Variants in PLA2G10 observed in about 807,000 individuals in gnomAD.
PLA2G10 encodes the protein group 10 secretory phospholipase A2.
Under a neutral mutation model 7.9 loss-of-function variants are expected in PLA2G10, and 9 were observed. The ratio of observed to expected loss-of-function variants is 1.14; its 90% CI spans 0.68 to 1.98. The LOEUF is 1.98. Among genes scored for constraint, PLA2G10 ranks in the 30% most tolerant of loss-of-function variants. The pLI is 0.00. For synonymous variants in PLA2G10, 19 were observed against 27.5 expected, an observed-to-expected ratio of 0.69 and a Z score of 0.97; for missense variants, 53 against 65.4, an observed-to-expected ratio of 0.81 and a Z score of 0.66.
intron 3 of PLA2G10, among the ~76,000 whole-genome samples, chr16:14,678,217 G>A (rs1960780157): frequency 6.6e-6 from 1 of 152,070 alleles, no homozygotes; most frequent in South Asian, 2.1e-4. Flanking sequence ...CAGAAGAGTG[G>A]TCAGCTACAG....
chr16:14,683,149 G>A (rs62037490), intron 3 of PLA2G10, among the ~76,000 whole-genome samples: 46,106 of 152,002 alleles, frequency 0.3, 7,786 homozygotes, highest in Admixed American at 0.36. Flanking sequence ...AAGGAAGCTG[G>A]GGTTAAGAGA....
chr16:14,684,497 C>A (rs1255276571), intron 3 of PLA2G10, among the ~76,000 whole-genome samples: 1 of 151,760 alleles, frequency 6.6e-6, no homozygotes, highest in Non-Finnish European at 1.5e-5. Flanking sequence ...GAAACCCAGT[C>A]TCTACTAAAA....
chr16:14,674,649 T>C (rs1018936429), intron 3 of PLA2G10, among the ~76,000 whole-genome samples: 1 of 151,570 alleles, frequency 6.6e-6, no homozygotes, highest in Non-Finnish European at 1.5e-5. Flanking sequence ...TGCAGTGAGC[T>C]GAGATCATGC....
chr16:14,687,329 T>TG (rs1961112023), intron 3 of PLA2G10, among the ~76,000 whole-genome samples: 1 of 122,478 alleles, frequency 8.2e-6, no homozygotes, highest in Admixed American at 8.3e-5. Context: ...TTAGGTAAAA[T>TG]TTTTTTTTTT....
chr16:14,672,823 C>G, intron 3 of PLA2G10, 74 bp from the exon 4 acceptor site: 1 of 1,391,276 alleles, frequency 7.2e-7, no homozygotes, highest in Non-Finnish European at 1.0e-6. Context: ...AAGCAAGAGG[C>G]AGGACGGGTC....
In PLA2G10 at chr16:14,672,636, A is replaced by T. The variant is rs753468912; in HGVS notation, c.469T>A (p.Cys157Ser). The change falls in exon 4 of 4, where the codon TGT becomes AGT. Residue 157 changes from cysteine (C) to serine (S), a missense_variant. Physicochemically the swap from Cys to Ser is moderately radical, Grantham distance 112. Transcript: ENST00000438167. ...TCACACTTGGGCGAGTCCGGCTCACATAGGAACTGGGGGTAGAAGAGGTAC... is the reference window on the plus strand; with the variant it reads ...TCACACTTGGGCGAGTCCGGCTCACTTAGGAACTGGGGGTAGAAGAGGTAC... ...LKYLFYPQFLCEPDSPKCD is the reference protein window; with the variant it reads ...LKYLFYPQFLSEPDSPKCD 3 of 1,614,016 alleles carry T rather than the reference A, an allele frequency of 1.9e-6. No individual in the cohort carries two copies. Among genetic ancestry groups the T allele is most frequent in the African/African-American group, 2.7e-5 (2 of 74,920 alleles).
Position 14,684,924 on chromosome 16 carries a change from T to C in PLA2G10, c.355+3241A>G, listed in dbSNP as rs1597015470. Reference sequence around the variant, plus strand: ...AGGTACTCAAATAAGTATTTGTTCATGAATGTTCATAGCAGCACTATTCAC... The same window carrying C: ...AGGTACTCAAATAAGTATTTGTTCACGAATGTTCATAGCAGCACTATTCAC... On this transcript the variant is annotated intron_variant, in intron 3 of 3. Coordinates refer to ENST00000438167, the MANE Select transcript of PLA2G10 (RefSeq NM_003561.3). Among the ~76,000 whole-genome samples, 5 of 152,192 alleles carry C rather than the reference T, an allele frequency of 3.3e-5. No homozygotes were observed. In the South Asian group the frequency reaches 1.0e-3, roughly 31 times the overall value.
chr16:14,672,888 G>T, intron 3 of PLA2G10, 139 bp from the exon 4 acceptor site: 1 of 735,810 alleles, frequency 1.4e-6, no homozygotes, highest in Non-Finnish European at 2.3e-6. Context: ...CCATCTGCAG[G>T]GCTCCCCAGG....
chr16:14,682,708 G>A lies in PLA2G10; in HGVS notation c.355+5457C>T, dbSNP rs142539732. Among the ~76,000 whole-genome samples the A allele has an allele frequency of 1.0e-3, 156 of 152,320 alleles. 1 individual carries two copies. The highest frequency in any genetic ancestry group is 3.4e-3 in the African/African-American group (142 of 41,572). ...AACAGATCTTTGATTCTCTCCAGGAGTTAGCAGGGGTCAGAGAGAAGTTCA... is the reference window on the plus strand; with the variant it reads ...AACAGATCTTTGATTCTCTCCAGGAATTAGCAGGGGTCAGAGAGAAGTTCA... On this transcript the variant is annotated intron_variant, in intron 3 of 3. Transcript: ENST00000438167.
intron 1 of PLA2G10, among the ~76,000 whole-genome samples, chr16:14,693,306 GCT>G (rs1236733181): frequency 8.9e-5 from 2 of 22,402 alleles, no homozygotes; most frequent in South Asian, 1.6e-3. Context: ...TGTCTGTGCT[GCT>G]CTGTGTGTGT....
In PLA2G10 at chr16:14,672,765, A is replaced by T; in HGVS notation, c.356-16T>A. On this transcript the variant is annotated splice_polypyrimidine_tract_variant and intron_variant, in intron 3 of 3. Coordinates refer to ENST00000438167, the MANE Select transcript of PLA2G10 (RefSeq NM_003561.3). ...TCTGCCGGTCCTGGAAGAAGTGGGG[A>T]AACTGAGATTAGAGCAGGGACCTGG... The T allele has an allele frequency of 1.2e-6, 2 of 1,613,516 alleles. No homozygotes were observed. The highest frequency in any genetic ancestry group is 1.7e-6 in the Non-Finnish European group (2 of 1,179,702).
At chr16:14,673,016 CTT>C (rs1293093227) in intron 3 of PLA2G10, among the ~76,000 whole-genome samples, 5 of 128,570 alleles carry the variant, frequency 3.9e-5, no homozygotes, top group Admixed American at 1.6e-4. Context: ...TTTTTCTTTT[CTT>C]TTTTTTTTTT....
rs1443577460 is a variant in PLA2G10, at chr16:14,693,307, CTCTGTGTG to C, written c.97+818_97+825del. On this transcript the variant is annotated intron_variant, in intron 1 of 3. Transcript: ENST00000438167. ...TGCGCACATATGTGTGTCTGTGCTG[CTCTGTGTG>C]TGTGTGTGTGTGTGTGTGTGTGTGT... 1.1e-3 allele frequency among the ~76,000 whole-genome samples: 27 copies of C among 24,768 alleles called. 5 individuals carry two copies. Among genetic ancestry groups the C allele is most frequent in the Non-Finnish European group, 2.1e-3 (24 of 11,590 alleles). The allele number at this position is 24,768 out of a possible 152,430, so 16.2% of individuals were successfully genotyped here.
intron 3 of PLA2G10, among the ~76,000 whole-genome samples, chr16:14,681,922 C>T (rs548509398): frequency 6.6e-6 from 1 of 151,928 alleles, no homozygotes; most frequent in East Asian, 2.0e-4. Flanking sequence ...AGCCTCATTT[C>T]ACCTCCTCAT....
chr16:14,684,831 A>G (rs929743526), intron 3 of PLA2G10, among the ~76,000 whole-genome samples: 8 of 152,276 alleles, frequency 5.3e-5, no homozygotes, highest in Admixed American at 3.3e-4. Flanking sequence ...CAACAAAAGA[A>G]GTAAAACAGG....
chr16:14,672,643 C>T lies in PLA2G10; in HGVS notation c.462G>A (p.Gln154=), dbSNP rs757956029. The stretch of plus-strand genomic sequence containing the variant: ...TGGGCGAGTCCGGCTCACATAGGAA[C>T]TGGGGGTAGAAGAGGTACTTTAAGT... ...EYNLKYLFYP[Q]FLCEPDSPKC... Residue 154 remains glutamine, a synonymous_variant, in exon 4 of 4, where the codon CAG becomes CAA. Coordinates refer to ENST00000438167, the MANE Select transcript of PLA2G10 (RefSeq NM_003561.3). 3 of 1,613,988 alleles carry T rather than the reference C, an allele frequency of 1.9e-6. No homozygotes were observed. The highest frequency in any genetic ancestry group is 2.5e-6 in the Non-Finnish European group (3 of 1,180,006).
chr16:14,675,171 C>CAA (rs1166594325), intron 3 of PLA2G10, among the ~76,000 whole-genome samples: 44 of 66,918 alleles, frequency 6.6e-4, no homozygotes, highest in African/African-American at 2.4e-3. Context: ...AACTCCATCT[C>CAA]AAAAAAAAAA....
chr16:14,675,171 CAAA>C (rs1166594325), intron 3 of PLA2G10, among the ~76,000 whole-genome samples: 2 of 66,906 alleles, frequency 3.0e-5, no homozygotes. Context: ...AACTCCATCT[CAAA>C]AAAAAAAAAA....
chr16:14,673,229 G>A (rs1178389669), intron 3 of PLA2G10, among the ~76,000 whole-genome samples: 1 of 151,694 alleles, frequency 6.6e-6, no homozygotes, highest in Non-Finnish European at 1.5e-5. Context: ...CGTCGTGTTG[G>A]CCAGGATGGT....
Sources: gnomAD v4.1 joint callset for allele counts (sites outside exome capture counted in the v4.1 genomes callset) on GRCh38, gnomAD v4.1.1 for gene constraint, MANE v1.5 for transcripts, NCBI Gene and HGNC (gene_info 2026-07-23, HGNC 2026-07-21) for gene names.